Variants in ANKRD29 observed in about 807,000 individuals in gnomAD.
The protein encoded by ANKRD29 is ankyrin repeat domain 29.
ANKRD29 carries 32 observed loss-of-function variants against 38.0 expected under a neutral mutation model. The ratio of observed to expected loss-of-function variants is 0.84; its 90% CI spans 0.64 to 1.13. ANKRD29 has a LOEUF of 1.13. ANKRD29 is among the 50% of genes most tolerant of loss of function. The pLI is 0.00. For missense variants in ANKRD29, 357 were observed against 377.9 expected, an observed-to-expected ratio of 0.94 and a Z score of 0.46; for synonymous variants, 135 against 152.4, an observed-to-expected ratio of 0.89 and a Z score of 0.84.
intron 4 of ANKRD29, 46 bp from the exon 5 acceptor site, chr18:23,634,195 A>G: frequency 1.4e-6 from 2 of 1,473,902 alleles, no homozygotes; most frequent in African/African-American, 1.4e-5. Context: ...GCGCAGGCAC[A>G]TAATTCACCA....
intron 5 of ANKRD29, among the ~76,000 whole-genome samples, chr18:23,633,309 A>G (rs1382886626): frequency 1.3e-5 from 2 of 152,196 alleles, no homozygotes; most frequent in Non-Finnish European, 2.9e-5. Flanking sequence ...TCACTTTTCT[A>G]CCAAATACCT....
At chr18:23,619,245 GC>G in intron 7 of ANKRD29, 2 of 383,370 alleles carry the variant, frequency 5.2e-6, no homozygotes, top group South Asian at 4.5e-5. Context: ...CAGCCGGGAG[GC>G]CCCCAGGACA....
intron 4 of ANKRD29, among the ~76,000 whole-genome samples, chr18:23,635,833 A>G (rs1230670090): frequency 6.6e-6 from 1 of 152,040 alleles, no homozygotes; most frequent in African/African-American, 2.4e-5. Flanking sequence ...GGCAGGTAAC[A>G]TCCTATGGGG....
intron 1 of ANKRD29, among the ~76,000 whole-genome samples, chr18:23,658,474 T>C (rs753142390): frequency 3.4e-4 from 52 of 152,206 alleles, no homozygotes; most frequent in Non-Finnish European, 6.8e-4. Flanking sequence ...GAATTTCACT[T>C]GGGATGAATC....
intron 1 of ANKRD29, among the ~76,000 whole-genome samples, chr18:23,660,211 C>T (rs1213974097): frequency 2.0e-5 from 3 of 152,340 alleles, no homozygotes; most frequent in Admixed American, 6.5e-5. Context: ...TGCCAACATT[C>T]GTCATTGTCT....
chr18:23,618,253 A>T (rs2059748807), intron 7 of ANKRD29, among the ~76,000 whole-genome samples: 1 of 152,252 alleles, frequency 6.6e-6, no homozygotes, highest in African/African-American at 2.4e-5. Flanking sequence ...AAATTTATAC[A>T]GCCTTGCCCT....
intron 8 of ANKRD29, among the ~76,000 whole-genome samples, chr18:23,616,123 C>T (rs8099258): frequency 4.2e-5 from 4 of 94,160 alleles, no homozygotes; most frequent in African/African-American, 1.7e-4. Context: ...CTACACATAC[C>T]GTATGTATGT....
intron 7 of ANKRD29, 26 bp from the exon 8 acceptor site, chr18:23,617,853 T>C (rs759435784): frequency 1.3e-5 from 20 of 1,591,754 alleles, no homozygotes; most frequent in Non-Finnish European, 7.8e-6. Flanking sequence ...AAAATAAAAG[T>C]TGATTATTAA....
intron 8 of ANKRD29, among the ~76,000 whole-genome samples, chr18:23,615,468 G>A (rs2059698612): frequency 6.6e-6 from 1 of 152,044 alleles, no homozygotes; most frequent in African/African-American, 2.4e-5. Context: ...CACCTAGGCT[G>A]CAGTGCAGTG....
intron 5 of ANKRD29, among the ~76,000 whole-genome samples, chr18:23,630,201 GA>G (rs2059912431): frequency 1.3e-5 from 2 of 152,042 alleles, no homozygotes; most frequent in Admixed American, 1.3e-4. Context: ...GAGGCAGGTG[GA>G]TCACCTGACA....
chr18:23,640,555 C>T (rs528762711), intron 3 of ANKRD29, among the ~76,000 whole-genome samples: 16 of 152,288 alleles, frequency 1.1e-4, no homozygotes, highest in African/African-American at 3.8e-4. Flanking sequence ...GAGCTCAAAA[C>T]ATTTCTCAAA....
In ANKRD29 at chr18:23,618,735, G is replaced by A. The variant is rs374722156; in HGVS notation, c.627+796C>T. ...TCAGTCGCTGTGTTTGGAGGATTTA[G>A]TCCATAATTCTCCCGTAGCCAAGAA... On this transcript the variant is annotated intron_variant, in intron 7 of 9. Coordinates refer to ENST00000592179, the MANE Select transcript of ANKRD29 (RefSeq NM_173505.4). 3 of 149,498 alleles carry A rather than the reference G, an allele frequency of 2.0e-5. No individual in the cohort carries two copies. In the East Asian group the frequency reaches 5.9e-4, roughly 30 times the overall value. 9.3% of individuals were successfully genotyped at this position (149,498 alleles called of 1,614,324 possible).
intron 7 of ANKRD29, chr18:23,618,709 A>G (rs1300049157): frequency 1.3e-5 from 2 of 151,758 alleles, no homozygotes; most frequent in Non-Finnish European, 2.9e-5. Flanking sequence ...ATTTTCACAT[A>G]TCAGTCGCTG....
At chr18:23,619,952 C>T (rs2059776020) in intron 6 of ANKRD29, 1 of 293,974 alleles carries the variant, frequency 3.4e-6, no homozygotes, top group Non-Finnish European at 6.3e-6. Flanking sequence ...TGGAAAGATG[C>T]GTGGGAACCT....
At chr18:23,631,978 C>T (rs1281068747) in intron 5 of ANKRD29, among the ~76,000 whole-genome samples, 1 of 152,212 alleles carries the variant, frequency 6.6e-6, no homozygotes, top group East Asian at 1.9e-4. Context: ...CTAATTACCA[C>T]ACCTCCCATT....
intron 6 of ANKRD29, among the ~76,000 whole-genome samples, chr18:23,622,724 A>T (rs1272150235): frequency 6.6e-6 from 1 of 151,602 alleles, no homozygotes; most frequent in Non-Finnish European, 1.5e-5. Flanking sequence ...GCACCACCAC[A>T]CCCGGCTAAT....
intron 5 of ANKRD29, among the ~76,000 whole-genome samples, chr18:23,633,295 A>G (rs939238431): frequency 1.1e-4 from 16 of 152,294 alleles, no homozygotes; most frequent in African/African-American, 3.6e-4. Context: ...TCATCCATCC[A>G]ACCTCACTTT....
intron 9 of ANKRD29, among the ~76,000 whole-genome samples, chr18:23,603,598 A>T (rs1375753094): frequency 2.0e-5 from 3 of 152,208 alleles, no homozygotes; most frequent in Non-Finnish European, 4.4e-5. Flanking sequence ...ACGCCACTGC[A>T]CTCCAGCCTG....
chr18:23,656,247 A>G (rs906973646), intron 1 of ANKRD29, among the ~76,000 whole-genome samples: 1 of 152,088 alleles, frequency 6.6e-6, no homozygotes, highest in African/African-American at 2.4e-5. Context: ...AAACCATCAA[A>G]AGTAGACGCA....
Sources: gnomAD v4.1 joint callset for allele counts (sites outside exome capture counted in the v4.1 genomes callset) on GRCh38, gnomAD v4.1.1 for gene constraint, MANE v1.5 for transcripts, NCBI Gene and HGNC (gene_info 2026-07-23, HGNC 2026-07-21) for gene names.